Variants in GPHN observed in about 807,000 individuals in gnomAD.
The protein encoded by GPHN is gephyrin.
GPHN carries 17 observed loss-of-function variants against 95.5 expected under a neutral mutation model. That is an observed-to-expected ratio of 0.18 (90% CI 0.12 to 0.27). The LOEUF is 0.27. Ranked by LOEUF, GPHN falls within the 10% of genes least tolerant of loss-of-function variation. The pLI, the probability that GPHN is intolerant of heterozygous loss-of-function variation, is 1.00. For missense variants in GPHN, 660 were observed against 978.1 expected (o/e 0.67, Z 4.34); for synonymous variants, 320 against 322.5 (o/e 0.99, Z 0.08).
At chr14:66,875,171 A>G (rs2063597303) in intron 4 of GPHN, among the ~76,000 whole-genome samples, 1 of 152,208 alleles carries the variant, frequency 6.6e-6, no homozygotes, top group South Asian at 2.1e-4. Flanking sequence ...TTCATAAACA[A>G]AGGAGAAGTA....
At chr14:67,732,856 C>T in the GPHN span, among the ~76,000 whole-genome samples, 1 of 152,192 alleles carries the variant, frequency 6.6e-6, no homozygotes, top group African/African-American at 2.4e-5. Flanking sequence ...CCTGGGATTA[C>T]AGGTGTGAGC....
chr14:67,260,464 CTT>C, the GPHN span, among the ~76,000 whole-genome samples: 1 of 152,192 alleles, frequency 6.6e-6, no homozygotes, highest in Non-Finnish European at 1.5e-5. Flanking sequence ...AGTTAACAAA[CTT>C]TGCCTCGGGG....
the GPHN span, among the ~76,000 whole-genome samples, chr14:67,389,764 GTGTT>G: frequency 6.7e-6 from 1 of 149,016 alleles, no homozygotes; most frequent in South Asian, 2.1e-4. Flanking sequence ...CAAAACTAAA[GTGTT>G]TTTTTTCTTT....
chr14:67,559,749 C>G, the GPHN span: 1 of 1,180,426 alleles, frequency 8.5e-7, no homozygotes, highest in Admixed American at 2.0e-5. Context: ...CTGCCCTGAC[C>G]CCCGGAGTTT....
chr14:67,080,507 C>T (rs2153662704), intron 11 of GPHN, among the ~76,000 whole-genome samples: 1 of 152,134 alleles, frequency 6.6e-6, no homozygotes, highest in African/African-American at 2.4e-5. Flanking sequence ...TCATGAACTA[C>T]TTCCTGTTTT....
the GPHN span, among the ~76,000 whole-genome samples, chr14:67,192,098 C>T: frequency 2.0e-5 from 3 of 152,240 alleles, no homozygotes; most frequent in African/African-American, 7.2e-5. Context: ...GCCACCCTCG[C>T]TCTGCAGCGC....
chr14:67,128,240 T>A (rs2079453938), intron 17 of GPHN, among the ~76,000 whole-genome samples: 1 of 151,994 alleles, frequency 6.6e-6, no homozygotes, highest in South Asian at 2.1e-4. Context: ...TATATACTTT[T>A]AAGCACAACC....
chr14:67,649,435 T>C, the GPHN span: 21 of 152,158 alleles, frequency 1.4e-4, no homozygotes, highest in Admixed American at 2.0e-4. Context: ...CACTGCACTG[T>C]TATAATGCTG....
chr14:67,612,625 T>C, the GPHN span, among the ~76,000 whole-genome samples: 2 of 152,130 alleles, frequency 1.3e-5, no homozygotes, highest in Non-Finnish European at 2.9e-5. Context: ...AATAATGAGC[T>C]TTCACAGCTG....
intron 11 of GPHN, among the ~76,000 whole-genome samples, chr14:67,088,604 C>T (rs768066696): frequency 5.9e-5 from 9 of 152,208 alleles, no homozygotes; most frequent in East Asian, 1.9e-4. Context: ...CATTTTCCTA[C>T]GATAGATTTC....
intron 12 of GPHN, among the ~76,000 whole-genome samples, chr14:67,096,489 AC>A (rs1026622468): frequency 1.3e-5 from 2 of 152,002 alleles, no homozygotes; most frequent in Admixed American, 6.6e-5. Flanking sequence ...CCCACCAAAA[AC>A]TTTTTGAGAA....
the GPHN span, among the ~76,000 whole-genome samples, chr14:67,203,958 C>A: frequency 6.6e-6 from 1 of 152,144 alleles, no homozygotes; most frequent in African/African-American, 2.4e-5. Context: ...GTGATCCACC[C>A]GCCTTGGCCT....
chr14:67,415,770 G>A, the GPHN span, among the ~76,000 whole-genome samples: 4,486 of 152,230 alleles, frequency 0.029, 93 homozygotes, highest in Non-Finnish European at 0.041. Flanking sequence ...AATGTGGTAC[G>A]TATACACCAT....
At chr14:67,361,770 T>C in the GPHN span, among the ~76,000 whole-genome samples, 1 of 152,234 alleles carries the variant, frequency 6.6e-6, no homozygotes, top group African/African-American at 2.4e-5. Context: ...TAGCATGTTG[T>C]GATATTGAGG....
intron 1 of GPHN, among the ~76,000 whole-genome samples, chr14:66,559,188 G>A (rs1375275059): frequency 4.6e-5 from 7 of 151,978 alleles, no homozygotes; most frequent in East Asian, 1.9e-4. Context: ...GAATAGTACC[G>A]CAATAAACAT....
the GPHN span, chr14:67,340,595 C>G: frequency 3.3e-6 from 4 of 1,220,326 alleles, no homozygotes; most frequent in Non-Finnish European, 3.5e-6. Context: ...ATTTGTATAA[C>G]AGTTATTTTT....
chr14:67,439,197 T>C, the GPHN span, among the ~76,000 whole-genome samples: 1 of 152,250 alleles, frequency 6.6e-6, no homozygotes, highest in Non-Finnish European at 1.5e-5. Context: ...ATGGGGATAA[T>C]GCTTGTGCCT....
chr14:67,499,454 C>A, the GPHN span, among the ~76,000 whole-genome samples: 1 of 152,106 alleles, frequency 6.6e-6, no homozygotes, highest in Non-Finnish European at 1.5e-5. Context: ...AGCATAGTGA[C>A]AATAGGTAGA....
chr14:66,652,401 A>G (rs961540711), intron 1 of GPHN, among the ~76,000 whole-genome samples: 2 of 152,140 alleles, frequency 1.3e-5, no homozygotes, highest in Non-Finnish European at 2.9e-5. Context: ...TATATTTGAT[A>G]TAATATACCA....
Sources: allele counts gnomAD v4.1 joint callset (sites outside exome capture counted in the v4.1 genomes callset), GRCh38; gene constraint gnomAD v4.1.1; transcripts MANE v1.5; gene names NCBI Gene and HGNC (gene_info 2026-07-23, HGNC 2026-07-21).